ZBTB38: variants seen among roughly 807,000 people sequenced by gnomAD.
ZBTB38 encodes zinc finger and BTB domain-containing protein 38.
A neutral mutation model predicts 76.8 loss-of-function variants in ZBTB38; 20 were observed. That is an observed-to-expected ratio of 0.26 (90% CI 0.18 to 0.38). The LOEUF (loss-of-function observed/expected upper bound fraction) is 0.38, where lower values mean the gene tolerates loss of function less well. Among genes scored for constraint, ZBTB38 ranks in the 10% least tolerant of loss-of-function variants. The pLI, the probability that ZBTB38 is intolerant of heterozygous loss-of-function variation, is 1.00. For synonymous variants in ZBTB38, 504 were observed against 544.2 expected (o/e 0.93, Z 1.03); for missense variants, 1,082 against 1,482.3 (o/e 0.73, Z 4.43).
rs932966825 is a variant in ZBTB38, at chr3:141,444,811, T to C, written c.2423T>C (p.Ile808Thr). ...PGGSLSKTTNIAEETSKIETY... is the reference protein window; with the variant it reads ...PGGSLSKTTNTAEETSKIETY... Reference sequence around the variant, plus strand: ...GGATCACTGAGCAAAACCACAAATATTGCTGAAGAAACCAGCAAAATTGAA... The same window carrying C: ...GGATCACTGAGCAAAACCACAAATACTGCTGAAGAAACCAGCAAAATTGAA... Residue 808 changes from isoleucine to threonine, a missense_variant, in exon 6 of 6, where the codon ATT becomes ACT. This residue lies in a region of ZBTB38 where 471 missense variants were observed against 581.0 expected (regional missense o/e 0.81). Transcript: ENST00000321464. The surrounding 1 kb of genome is among the most constrained non-coding windows in gnomAD (Gnocchi z 5.1). The C allele has an allele frequency of 1.2e-6, 2 of 1,614,096 alleles. No homozygotes were observed.
intron 1 of ZBTB38, among the ~76,000 whole-genome samples, chr3:141,359,787 C>G (rs890375304): frequency 6.6e-6 from 1 of 151,866 alleles, no homozygotes; most frequent in Admixed American, 6.6e-5. Flanking sequence ...AAAAATTAGC[C>G]AGGCATGGTG....
intron 1 of ZBTB38, among the ~76,000 whole-genome samples, chr3:141,328,578 G>A (rs1304890716): frequency 6.6e-6 from 1 of 152,040 alleles, no homozygotes; most frequent in Non-Finnish European, 1.5e-5. Flanking sequence ...TCCAACCTCA[G>A]CACCTTAGCC....
Position 141,445,949 on chromosome 3 carries a change from A to T in ZBTB38, c.3561A>T (p.Gln1187His). Residue 1187 changes from glutamine (Q) to histidine (H), a missense_variant, in exon 6 of 6, where the codon CAA becomes CAT. Transcript: ENST00000321464. This position sits in a 1 kb window ranked among gnomAD's most constrained non-coding sequence, Gnocchi z 6.5. ...SEDNDQKDNI[Q>H]TGVENVVL ...ACAATGACCAAAAGGATAACATACAAACCGGTGTGGAAAATGTTGTCCTTT... is the reference window on the plus strand; with the variant it reads ...ACAATGACCAAAAGGATAACATACATACCGGTGTGGAAAATGTTGTCCTTT... 6.3e-7 allele frequency: 1 copy of T among 1,592,342 alleles called. No individual in the cohort carries two copies. The highest frequency in any genetic ancestry group is 8.5e-7 in the Non-Finnish European group (1 of 1,173,808).
In ZBTB38 at chr3:141,449,756, T is replaced by C. The variant is rs549839232; in HGVS notation, c.*3780T>C. Reference sequence around the variant, plus strand: ...AACAACAGATTTAATATTGAAAGCATCTGTAACAATTGGGAAAGTAAAAGC... The same window carrying C: ...AACAACAGATTTAATATTGAAAGCACCTGTAACAATTGGGAAAGTAAAAGC... On this transcript the variant is annotated 3_prime_UTR_variant, in exon 6 of 6. Coordinates refer to ENST00000321464, the MANE Select transcript of ZBTB38 (RefSeq NM_001376113.1). 6.6e-6 allele frequency: 1 copy of C among 152,360 alleles called. No homozygotes were observed. The highest frequency in any genetic ancestry group is 2.1e-4 in the South Asian group (1 of 4,830). The allele number at this position is 152,360 out of a possible 1,614,324, so 9.4% of individuals were successfully genotyped here. A position where few individuals can be genotyped will look rare whatever the true frequency, so the allele number is the denominator to read the frequency against.
intron 5 of ZBTB38, among the ~76,000 whole-genome samples, chr3:141,422,532 T>C (rs1316383452): frequency 6.6e-6 from 1 of 152,156 alleles, no homozygotes; most frequent in Non-Finnish European, 1.5e-5. Flanking sequence ...TGCCCTGATG[T>C]TTCTATGTGT....
rs1262279787 is a variant in ZBTB38, at chr3:141,413,649, G to T, written c.-1+9618G>T. Among the ~76,000 whole-genome samples the T allele has an allele frequency of 2.0e-5, 3 of 152,182 alleles. No individual in the cohort carries two copies. The highest frequency in any genetic ancestry group is 2.1e-4 in the South Asian group (1 of 4,830). On this transcript the variant is annotated intron_variant, in intron 5 of 5. Transcript: ENST00000321464. The surrounding 1 kb of genome is among the most constrained non-coding windows in gnomAD (Gnocchi z 4.1). ...AACCGATAAAAACTCAGTGAGTGTTGCTTCCCCCGTTACACACCTGCTCAT... is the reference window on the plus strand; with the variant it reads ...AACCGATAAAAACTCAGTGAGTGTTTCTTCCCCCGTTACACACCTGCTCAT...
intron 3 of ZBTB38, among the ~76,000 whole-genome samples, chr3:141,381,720 T>C (rs1401872587): frequency 6.6e-6 from 1 of 152,200 alleles, no homozygotes; most frequent in Non-Finnish European, 1.5e-5. Flanking sequence ...CTTGTTGGCA[T>C]ATACAATTAC....
At chr3:141,408,718 A>G (rs1487524224) in intron 5 of ZBTB38, among the ~76,000 whole-genome samples, 1 of 152,262 alleles carries the variant, frequency 6.6e-6, no homozygotes, top group Non-Finnish European at 1.5e-5. Flanking sequence ...TGTTCTCTAT[A>G]CATAGTTTAG....
intron 5 of ZBTB38, chr3:141,431,665 A>C (rs1015440724): frequency 2.0e-5 from 3 of 152,000 alleles, no homozygotes; most frequent in African/African-American, 7.3e-5. Flanking sequence ...TCACAATCCT[A>C]TGTGCACGCA....
chr3:141,410,341 T>C (rs1029411784), intron 5 of ZBTB38, among the ~76,000 whole-genome samples: 3 of 152,154 alleles, frequency 2.0e-5, no homozygotes, highest in African/African-American at 7.2e-5. Context: ...CTGGTAATCA[T>C]GGTTTTCAAA....
chr3:141,401,857 T>C (rs1952088861), intron 4 of ZBTB38, among the ~76,000 whole-genome samples: 1 of 152,176 alleles, frequency 6.6e-6, no homozygotes, highest in African/African-American at 2.4e-5. Context: ...ATAGTTTCTG[T>C]GCCACGTTGG....
At position 141,442,823 on chromosome 3, in the gene ZBTB38, A is replaced by T; in HGVS notation, c.435A>T (p.Lys145Asn). Reference protein sequence around the residue: ...VFCITEKGVVKEEKNEKRHEE... With the variant: ...VFCITEKGVVNEEKNEKRHEE... ...GTATTACTGAAAAGGGAGTGGTTAA[A>T]GAAGAAAAAAATGAAAAAAGGCATG... Residue 145 changes from lysine to asparagine, a missense_variant, in exon 6 of 6, where the codon AAA becomes AAT. Around this residue, in one of 8 missense-constraint regions of ZBTB38, gnomAD observed 34 missense variants for 40.4 expected, o/e 0.84. Coordinates refer to ENST00000321464, the MANE Select transcript of ZBTB38 (RefSeq NM_001376113.1). The surrounding 1 kb of genome is among the most constrained non-coding windows in gnomAD (Gnocchi z 6.4). 1 of 1,614,256 alleles carries T rather than the reference A, an allele frequency of 6.2e-7. No individual in the cohort carries two copies. The highest frequency in any genetic ancestry group is 8.5e-7 in the Non-Finnish European group (1 of 1,180,050).
At chr3:141,362,193 G>A (rs984680097) in intron 1 of ZBTB38, among the ~76,000 whole-genome samples, 11 of 151,980 alleles carry the variant, frequency 7.2e-5, no homozygotes, top group African/African-American at 1.7e-4. Flanking sequence ...TGTGTCCTCC[G>A]AACAGTATTC....
At chr3:141,359,169 C>T (rs1218122411) in intron 1 of ZBTB38, among the ~76,000 whole-genome samples, 1 of 152,230 alleles carries the variant, frequency 6.6e-6, no homozygotes, top group Non-Finnish European at 1.5e-5. Context: ...CCAGCTCTTC[C>T]ACCTTTCTCT....
At chr3:141,425,474 A>G (rs1577325615) in intron 5 of ZBTB38, among the ~76,000 whole-genome samples, 1 of 152,194 alleles carries the variant, frequency 6.6e-6, no homozygotes, top group African/African-American at 2.4e-5. Context: ...TTAAATGTTC[A>G]CCCCAGGGCC....
At chr3:141,379,064 A>C (rs954702974) in intron 2 of ZBTB38, among the ~76,000 whole-genome samples, 4 of 152,112 alleles carry the variant, frequency 2.6e-5, no homozygotes, top group African/African-American at 9.7e-5. Flanking sequence ...CTTTCTTTTA[A>C]CAGCGCTGCT....
chr3:141,412,115 T>C (rs1171619237), intron 5 of ZBTB38, among the ~76,000 whole-genome samples: 1 of 152,232 alleles, frequency 6.6e-6, no homozygotes, highest in Non-Finnish European at 1.5e-5. Flanking sequence ...CCTATATTTT[T>C]TTTCTCCCAT....
rs767394081 is a variant in ZBTB38 at position 141,445,288 on chromosome 3, A to C, written c.2900A>C (p.Gln967Pro). The change falls in exon 6 of 6, where the codon CAG (glutamine) becomes CCG (proline). Residue 967 changes from glutamine (Q) to proline (P), a missense_variant. Gln to Pro is a moderately conservative substitution (Grantham distance 76). Around this residue, in one of 8 missense-constraint regions of ZBTB38, gnomAD observed 471 missense variants for 581.0 expected, o/e 0.81. Transcript: ENST00000321464. The surrounding 1 kb of genome is among the most constrained non-coding windows in gnomAD (Gnocchi z 6.5). ...ELDCAVGKAP[Q>P]DKPFEEEETK... is the part of the protein sequence containing the mutation. The stretch of plus-strand genomic sequence containing the variant: ...GATTGCGCCGTGGGGAAGGCTCCTC[A>C]GGATAAACCCTTTGAGGAAGAAGAA... 1 of 1,614,224 alleles carries C rather than the reference A, an allele frequency of 6.2e-7. No individual in the cohort carries two copies. The highest frequency in any genetic ancestry group is 1.6e-4 in the Middle Eastern group (1 of 6,062).
chr3:141,333,417 A>G (rs1942911717), intron 1 of ZBTB38, among the ~76,000 whole-genome samples: 1 of 151,960 alleles, frequency 6.6e-6, no homozygotes, highest in Non-Finnish European at 1.5e-5. Flanking sequence ...CTACCAGCCC[A>G]GAGTCCACAA....
Sources: allele counts gnomAD v4.1 joint callset (sites outside exome capture counted in the v4.1 genomes callset), GRCh38; gene constraint gnomAD v4.1.1; regional missense constraint gnomAD v4.1.1; non-coding constraint Gnocchi (gnomAD v3.1); transcripts MANE v1.5; gene names NCBI Gene and HGNC (gene_info 2026-07-23, HGNC 2026-07-21).